RPTOR: variants seen among roughly 807,000 people sequenced by gnomAD.
RPTOR encodes regulatory-associated protein of mTOR.
RPTOR carries 21 observed loss-of-function variants against 169.9 expected under a neutral mutation model. The ratio of observed to expected loss-of-function variants is 0.12; its 90% CI spans 0.09 to 0.18. RPTOR has a LOEUF of 0.18. RPTOR is among the 10% of genes least tolerant of loss of function. The pLI is 1.00. For synonymous variants in RPTOR, 732 were observed against 753.2 expected (o/e 0.97, Z 0.46); for missense variants, 1,133 against 1,855.9 (o/e 0.61, Z 7.16).
intron 28 of RPTOR, among the ~76,000 whole-genome samples, chr17:80,950,426 C>G (rs1350509584): frequency 6.6e-6 from 1 of 152,166 alleles, no homozygotes; most frequent in Non-Finnish European, 1.5e-5. Flanking sequence ...AGCACCTGTC[C>G]CGGGAGATGC....
Position 80,872,743 on chromosome 17 carries a change from C to G in RPTOR, c.1510-7672C>G, listed in dbSNP as rs562657874. ...GCACCCAGGCAGACTAGACCGAGCC[C>G]TGGCAGGGGTGACGGCTCGCCCTTT... On this transcript the variant is annotated intron_variant, in intron 13 of 33. Transcript: ENST00000306801. Among the ~76,000 whole-genome samples, 54 of 152,358 alleles carry G rather than the reference C, an allele frequency of 3.5e-4. 1 individual carries two copies. The South Asian group carries it at 8.9e-3, about 25-fold the overall frequency.
At chr17:80,618,616 G>A (rs926254041) in intron 1 of RPTOR, among the ~76,000 whole-genome samples, 1 of 152,188 alleles carries the variant, frequency 6.6e-6, no homozygotes, top group African/African-American at 2.4e-5. Flanking sequence ...TTCTACAGGG[G>A]TGGAGGCAGA....
intron 3 of RPTOR, among the ~76,000 whole-genome samples, chr17:80,676,863 T>A (rs949954339): frequency 6.6e-6 from 1 of 152,192 alleles, no homozygotes; most frequent in Non-Finnish European, 1.5e-5. Flanking sequence ...GGACCAGGCA[T>A]CCTGATTTGC....
chr17:80,752,434 G>T (rs2066639647), intron 5 of RPTOR, among the ~76,000 whole-genome samples: 2 of 152,244 alleles, frequency 1.3e-5, no homozygotes, highest in Admixed American at 1.3e-4. Context: ...TCTGTTTGGT[G>T]GAACTGGTTC....
intron 1 of RPTOR, among the ~76,000 whole-genome samples, chr17:80,592,664 T>C (rs1365812151): frequency 6.6e-6 from 1 of 152,214 alleles, no homozygotes; most frequent in African/African-American, 2.4e-5. Flanking sequence ...GGAGATTTAT[T>C]TGGGTAAAGA....
In RPTOR at chr17:80,960,702, CAG is replaced by C. The variant is rs938492021; in HGVS notation, c.3605+498_3605+499del. ...GGTGCTGTCCGCGTCTGGCAGAGGA[CAG>C]GGTACACGCATGGGCACAGCAGCCC... On this transcript the variant is annotated intron_variant, in intron 30 of 33. Transcript: ENST00000306801. The surrounding 1 kb of genome is among the most constrained non-coding windows in gnomAD (Gnocchi z 4.8). The C allele has an allele frequency of 3.5e-5, 7 of 197,272 alleles. No individual in the cohort carries two copies. Among genetic ancestry groups the C allele is most frequent in the African/African-American group, 6.9e-5 (3 of 43,750 alleles). The allele number at this position is 197,272 out of a possible 1,614,324, so 12.2% of individuals were successfully genotyped here. A position where few individuals can be genotyped will look rare whatever the true frequency, so the allele number is the denominator to read the frequency against.
At chr17:80,600,993 C>G (rs1340587385) in intron 1 of RPTOR, among the ~76,000 whole-genome samples, 1 of 152,070 alleles carries the variant, frequency 6.6e-6, no homozygotes, top group Non-Finnish European at 1.5e-5. Flanking sequence ...GCTGTTCTTT[C>G]CCTTGGATCT....
intron 13 of RPTOR, among the ~76,000 whole-genome samples, chr17:80,859,796 A>T (rs1194437999): frequency 3.9e-5 from 6 of 152,210 alleles, no homozygotes. Context: ...CGGCTTTCAT[A>T]TGCAAAGTCT....
chr17:80,558,368 C>T (rs1157017927), intron 1 of RPTOR, among the ~76,000 whole-genome samples: 2 of 152,138 alleles, frequency 1.3e-5, no homozygotes, highest in Non-Finnish European at 2.9e-5. Flanking sequence ...ATTGTCATGC[C>T]TTCAGAGGCC....
intron 6 of RPTOR, among the ~76,000 whole-genome samples, chr17:80,756,881 C>T (rs1418623819): frequency 5.9e-5 from 9 of 152,008 alleles, no homozygotes; most frequent in South Asian, 2.1e-4. Flanking sequence ...CTCAGTCTGT[C>T]GTAGTCTATT....
At chr17:80,554,672 A>G (rs1023690534) in intron 1 of RPTOR, among the ~76,000 whole-genome samples, 1 of 152,064 alleles carries the variant, frequency 6.6e-6, no homozygotes. Context: ...TGAACCCGGG[A>G]GGCAGAGCTT....
chr17:80,884,987 T>C, intron 16 of RPTOR, 21 bp from the exon 17 acceptor site: 1 of 1,602,274 alleles, frequency 6.2e-7, no homozygotes, highest in Non-Finnish European at 8.5e-7. Context: ...GACATGCCTG[T>C]GACCCCCCGC....
At chr17:80,933,320 A>G (rs1239325104) in intron 24 of RPTOR, among the ~76,000 whole-genome samples, 3 of 152,244 alleles carry the variant, frequency 2.0e-5, no homozygotes, top group African/African-American at 4.8e-5. Context: ...AACCATTTGT[A>G]TCAGAATCCC....
intron 1 of RPTOR, among the ~76,000 whole-genome samples, chr17:80,564,085 C>T (rs1568306150): frequency 1.3e-5 from 2 of 149,342 alleles, no homozygotes; most frequent in African/African-American, 4.9e-5. Context: ...TTTTTGGAGA[C>T]GGAGTCTCGC....
chr17:80,837,969 C>T lies in RPTOR; in HGVS notation c.1184C>T (p.Thr395Met), dbSNP rs370002882. Residue 395 changes from threonine (T) to methionine (M), a missense_variant, in exon 10 of 34, where the codon ACG (threonine) becomes ATG (methionine). By Grantham distance (81) the Thr-to-Met change is moderately conservative. Coordinates refer to ENST00000306801, the MANE Select transcript of RPTOR (RefSeq NM_020761.3). The part of the protein sequence containing the change: ...AVDICLSQLP[T>M]IIEEGTAFRH... ...GACATCTGTCTGTCTCAGCTGCCGA[C>T]GATCATCGAGGAAGGCACTGCGTTT... 1.9e-5 allele frequency: 30 copies of T among 1,611,852 alleles called. No homozygotes were observed. The highest frequency in any genetic ancestry group is 2.7e-5 in the African/African-American group (2 of 74,906).
rs1567966044 is a variant in RPTOR at position 80,883,489 on chromosome 17, G to GC, written c.1650+11dup. On this transcript the variant is annotated splice_donor_region_variant and intron_variant, in intron 15 of 33. Coordinates refer to ENST00000306801, the MANE Select transcript of RPTOR (RefSeq NM_020761.3). ...AACAGCTATCACACGGGGCAGGTGA[G>GC]CCCCCCAGCCACCCCCAGCCCCAGA... The GC allele has an allele frequency of 6.2e-6, 10 of 1,613,684 alleles. No individual in the cohort carries two copies. The highest frequency in any genetic ancestry group is 2.2e-5 in the South Asian group (2 of 91,080).
intron 3 of RPTOR, among the ~76,000 whole-genome samples, chr17:80,696,320 G>A (rs1421958816): frequency 6.6e-6 from 1 of 152,150 alleles, no homozygotes; most frequent in East Asian, 1.9e-4. Context: ...AATAAAATAT[G>A]CAAATAGAGT....
chr17:80,801,832 A>T (rs917118266), intron 7 of RPTOR: 9 of 152,294 alleles, frequency 5.9e-5, no homozygotes, highest in African/African-American at 1.7e-4. Context: ...TGATTGGCGG[A>T]AACGGGGGAC....
chr17:80,636,804 G>GGT, intron 2 of RPTOR, among the ~76,000 whole-genome samples: 1 of 152,264 alleles, frequency 6.6e-6, no homozygotes, highest in East Asian at 1.9e-4. Context: ...CAGGGGCCAA[G>GGT]GTGCTGCATG....
Sources: gnomAD v4.1 joint callset for allele counts (sites outside exome capture counted in the v4.1 genomes callset) on GRCh38, gnomAD v4.1.1 for gene constraint, Gnocchi (gnomAD v3.1) non-coding constraint, MANE v1.5 for transcripts, NCBI Gene and HGNC (gene_info 2026-07-23, HGNC 2026-07-21) for gene names.